TNIP3: variants seen among roughly 807,000 people sequenced by gnomAD.
TNIP3 encodes TNFAIP3-interacting protein 3.
In TNIP3, 34 loss-of-function variants were observed where a neutral mutation model predicts 54.1. That is an observed-to-expected ratio of 0.63 (90% CI 0.48 to 0.84). TNIP3 has a LOEUF of 0.84. TNIP3 is among the 40% of genes least tolerant of loss of function. TNIP3 has a pLI of 0.00. For missense variants in TNIP3, 366 were observed against 387.6 expected (o/e 0.94, Z 0.47); for synonymous variants, 134 against 136.8 (o/e 0.98, Z 0.14).
chr4:121,150,565 T>C (rs919400929), intron 5 of TNIP3, among the ~76,000 whole-genome samples: 4 of 152,224 alleles, frequency 2.6e-5, no homozygotes, highest in Non-Finnish European at 5.9e-5. Context: ...ACCCTTTCAA[T>C]GATGCTTAGC....
intron 2 of TNIP3, among the ~76,000 whole-genome samples, chr4:121,183,410 A>G (rs1724826688): frequency 6.6e-6 from 1 of 152,242 alleles, no homozygotes; most frequent in Non-Finnish European, 1.5e-5. Context: ...TGCTTCCCAG[A>G]GGGAGTTGCT....
intron 2 of TNIP3, 81 bp from the exon 3 acceptor site, chr4:121,158,833 G>A: frequency 8.7e-7 from 1 of 1,149,304 alleles, no homozygotes; most frequent in Non-Finnish European, 1.3e-6. Context: ...TACTTTCTGA[G>A]CTTATTAAGG....
intron 2 of TNIP3, among the ~76,000 whole-genome samples, chr4:121,193,805 TA>T (rs777108482): frequency 6.6e-6 from 1 of 152,048 alleles, no homozygotes; most frequent in Non-Finnish European, 1.5e-5. Context: ...CAAGATGCAT[TA>T]AAAAAAGTTT....
intron 7 of TNIP3, 132 bp from the exon 8 acceptor site, chr4:121,142,908 T>G (rs1729206620): frequency 1.5e-6 from 1 of 658,344 alleles, no homozygotes; most frequent in South Asian, 2.0e-5. Context: ...AGTTGGTTTT[T>G]GCAGACATGC....
At chr4:121,169,227 C>T (rs1033399755), upstream of TNIP3, among the ~76,000 whole-genome samples, 9 of 152,142 alleles carry the variant, frequency 5.9e-5, no homozygotes, top group Non-Finnish European at 1.0e-4. Flanking sequence ...GGTATCCTTC[C>T]GTTAGTCCAT....
chr4:121,157,178 C>T lies in TNIP3; in HGVS notation c.279G>A (p.Pro93=), dbSNP rs1408842338. ...ERFLSTREKD[P]HQRQRKDDRQ... ...TGTCGTCCTTTCTCTGCCTCTGATGCGGATCCTTCTCCCGCGTGCTGAGGA... is the reference window on the plus strand; with the variant it reads ...TGTCGTCCTTTCTCTGCCTCTGATGTGGATCCTTCTCCCGCGTGCTGAGGA... Residue 93 remains proline, a synonymous_variant, in exon 4 of 11, where the codon CCG becomes CCA. Transcript: ENST00000057513. 6.2e-7 allele frequency: 1 copy of T among 1,613,972 alleles called. No individual in the cohort carries two copies. Among genetic ancestry groups the T allele is most frequent in the Non-Finnish European group, 8.5e-7 (1 of 1,180,022 alleles).
chr4:121,195,425 T>C (rs920142005), intron 2 of TNIP3, among the ~76,000 whole-genome samples: 4 of 152,206 alleles, frequency 2.6e-5, no homozygotes, highest in South Asian at 2.1e-4. Flanking sequence ...AGAAAAGTTA[T>C]AAAACCCAAG....
chr4:121,149,548 C>T (rs1266258950), intron 6 of TNIP3, among the ~76,000 whole-genome samples: 1 of 152,116 alleles, frequency 6.6e-6, no homozygotes, highest in African/African-American at 2.4e-5. Flanking sequence ...AGGTGGATCA[C>T]GAGGTCAGAA....
intron 7 of TNIP3, among the ~76,000 whole-genome samples, chr4:121,143,718 A>G (rs769804175): frequency 5.3e-5 from 8 of 152,242 alleles, no homozygotes; most frequent in Non-Finnish European, 8.8e-5. Context: ...GGATCAATAC[A>G]TAACTTTGTT....
chr4:121,224,567 C>T (rs1041487290), intron 1 of TNIP3, among the ~76,000 whole-genome samples: 3 of 152,106 alleles, frequency 2.0e-5, no homozygotes, highest in Admixed American at 6.6e-5. Flanking sequence ...AGTGACAGAA[C>T]ACTCTCTAAT....
intron 8 of TNIP3, 75 bp downstream of exon 8, chr4:121,142,651 A>G: frequency 7.4e-7 from 1 of 1,351,926 alleles, no homozygotes; most frequent in Non-Finnish European, 1.1e-6. Context: ...CAGAGCTTGA[A>G]CATGTCTTTA....
intron 2 of TNIP3, among the ~76,000 whole-genome samples, chr4:121,204,269 A>T (rs1227226058): frequency 6.6e-6 from 1 of 152,188 alleles, no homozygotes; most frequent in Non-Finnish European, 1.5e-5. Context: ...AGATAAATGC[A>T]TATCTGATTG....
rs1267906477 is a variant in TNIP3 at position 121,136,383 on chromosome 4, CAT to C, written c.946+2239_946+2240del. 3.9e-5 allele frequency among the ~76,000 whole-genome samples: 6 copies of C among 152,164 alleles called. No individual in the cohort carries two copies. In the East Asian group the frequency reaches 9.6e-4, roughly 24 times the overall value. ...GGGCACTGTACTATATAATTCAAAC[CAT>C]ATGTTTTAGAATCCTATATATCAAA... On this transcript the variant is annotated intron_variant, in intron 10 of 10. Transcript: ENST00000057513.
At chr4:121,167,052 T>C (rs1283246277), upstream of TNIP3, among the ~76,000 whole-genome samples, 1 of 152,148 alleles carries the variant, frequency 6.6e-6, no homozygotes, top group Non-Finnish European at 1.5e-5. Flanking sequence ...TGAGCTTATA[T>C]AGTAATAACA....
intron 1 of TNIP3, among the ~76,000 whole-genome samples, chr4:121,226,694 T>G (rs1368617886): frequency 6.6e-6 from 1 of 152,244 alleles, no homozygotes; most frequent in Non-Finnish European, 1.5e-5. Context: ...ACTGCTGGCT[T>G]TTAAAATGAA....
At chr4:121,134,040 G>A (rs1468050807) in intron 10 of TNIP3, among the ~76,000 whole-genome samples, 2 of 152,252 alleles carry the variant, frequency 1.3e-5, no homozygotes, top group Non-Finnish European at 2.9e-5. Flanking sequence ...CCAGCTTGTG[G>A]TATTTTGTTA....
chr4:121,216,417 T>C, exon 2 of TNIP3: 1 of 1,535,138 alleles, frequency 6.5e-7, no homozygotes, highest in Non-Finnish European at 8.7e-7. Flanking sequence ...GTTATTACCT[T>C]TCAGAATCTT....
At chr4:121,146,295 A>G (rs1441878178) in intron 7 of TNIP3, among the ~76,000 whole-genome samples, 1 of 152,210 alleles carries the variant, frequency 6.6e-6, no homozygotes, top group Non-Finnish European at 1.5e-5. Flanking sequence ...AAATTTTTTT[A>G]TGACGAAGAA....
chr4:121,182,713 T>C (rs1215267770), exon 3 of TNIP3: 2 of 1,534,204 alleles, frequency 1.3e-6, no homozygotes, highest in Non-Finnish European at 1.7e-6. Context: ...TGGCATGGCC[T>C]CTGGGGTGAA....
Sources: gnomAD v4.1 joint callset for allele counts (sites outside exome capture counted in the v4.1 genomes callset) on GRCh38, gnomAD v4.1.1 for gene constraint, MANE v1.5 for transcripts, NCBI Gene and HGNC (gene_info 2026-07-23, HGNC 2026-07-21) for gene names.